Variants in TUSC3 observed in about 807,000 individuals in gnomAD.
TUSC3 encodes the protein dolichyl-diphosphooligosaccharide--protein glycosyltransferase subunit TUSC3.
In TUSC3, 45 loss-of-function variants were observed where a neutral mutation model predicts 44.8. That is an observed-to-expected ratio of 1.00 (90% confidence interval 0.79 to 1.29). The LOEUF (loss-of-function observed/expected upper bound fraction) is 1.29, where lower values mean the gene tolerates loss of function less well. Ranked by LOEUF, TUSC3 falls within the 50% of genes most tolerant of loss-of-function variation. The probability of loss-of-function intolerance (pLI) is 0.00; values close to 1 mark genes in which losing one functional copy is unlikely to be tolerated. For missense variants in TUSC3, 519 were observed against 437.9 expected, an observed-to-expected ratio of 1.19 and a Z score of -1.65; for synonymous variants, 212 against 152.9, an observed-to-expected ratio of 1.39 and a Z score of -2.85.
At chr8:15,645,277 C>G (rs1157692891) in intron 2 of TUSC3, among the ~76,000 whole-genome samples, 1 of 152,064 alleles carries the variant, frequency 6.6e-6, no homozygotes, top group East Asian at 1.9e-4. Flanking sequence ...TATTTTCTAC[C>G]CTGAAGCTTA....
intron 1 of TUSC3, among the ~76,000 whole-genome samples, chr8:15,564,723 C>T (rs1033423158): frequency 1.3e-5 from 2 of 152,080 alleles, no homozygotes; most frequent in Non-Finnish European, 2.9e-5. Context: ...GAGTTCTAGG[C>T]GATGGAGTGT....
intron 6 of TUSC3, among the ~76,000 whole-genome samples, chr8:15,719,042 G>T (rs1354839165): frequency 6.6e-6 from 1 of 151,908 alleles, no homozygotes; most frequent in East Asian, 1.9e-4. Context: ...ACTGCTTTAC[G>T]TCATCAGCAT....
At chr8:15,688,041 C>G (rs1237994521) in intron 6 of TUSC3, among the ~76,000 whole-genome samples, 1 of 151,740 alleles carries the variant, frequency 6.6e-6, no homozygotes, top group Non-Finnish European at 1.5e-5. Flanking sequence ...AGAATCAGTC[C>G]TCCCACAGAG....
chr8:15,709,957 C>T (rs2129199143), intron 6 of TUSC3, among the ~76,000 whole-genome samples: 1 of 152,014 alleles, frequency 6.6e-6, no homozygotes, highest in East Asian at 1.9e-4. Flanking sequence ...CAAAAGTCTT[C>T]TGTGACTTCC....
intron 2 of TUSC3, among the ~76,000 whole-genome samples, chr8:15,626,367 G>T (rs1585167350): frequency 6.6e-6 from 1 of 152,206 alleles, no homozygotes; most frequent in African/African-American, 2.4e-5. Flanking sequence ...GGCAGAGAGG[G>T]GACCCCAAGG....
In TUSC3 at chr8:15,437,476, T is replaced by C. The variant is rs150465078; in HGVS notation, n.91+20171T>C. Among the ~76,000 whole-genome samples, 75 of 152,312 alleles carry C rather than the reference T, an allele frequency of 4.9e-4. 1 individual carries two copies. Among genetic ancestry groups the C allele is most frequent in the African/African-American group, 1.7e-3 (70 of 41,590 alleles). ...TTATAAGTGCTTAGAGCTTCTACTA[T>C]TAATATTTGGTTTGAATTTGAAGGA... is the stretch of plus-strand genomic sequence containing the variant. On this transcript the variant is annotated intron_variant and non_coding_transcript_variant, in intron 1 of 5. Coordinates refer to the TUSC3 transcript ENST00000503191.
rs546037514 is a variant in TUSC3, at chr8:15,661,959, C to T, written c.568-197C>T. 5.3e-5 allele frequency among the ~76,000 whole-genome samples: 8 copies of T among 152,040 alleles called. No individual in the cohort carries two copies. The East Asian group carries it at 1.5e-3, about 29-fold the overall frequency. ...AGCATTGTTAGTCATCAGGGAAGTG[C>T]AAAGTCGTTTTACATAGCCATTATG... On this transcript the variant is annotated intron_variant, in intron 4 of 10. Coordinates refer to ENST00000503731, the MANE Select transcript of TUSC3 (RefSeq NM_006765.4).
At chr8:15,446,557 C>A (rs1334344986) in intron 1 of TUSC3, among the ~76,000 whole-genome samples, 1 of 152,122 alleles carries the variant, frequency 6.6e-6, no homozygotes, top group African/African-American at 2.4e-5. Flanking sequence ...GAAACCCCGT[C>A]TCCACCAAAA....
intron 1 of TUSC3, among the ~76,000 whole-genome samples, chr8:15,420,624 AT>A (rs1799727819): frequency 6.6e-6 from 1 of 151,748 alleles, no homozygotes; most frequent in Non-Finnish European, 1.5e-5. Context: ...GAAGATTATT[AT>A]TTTCCTCTTT....
chr8:15,712,506 A>G (rs1174497371), intron 6 of TUSC3, among the ~76,000 whole-genome samples: 2 of 151,858 alleles, frequency 1.3e-5, no homozygotes, highest in Admixed American at 1.3e-4. Flanking sequence ...TTATTCCTTA[A>G]CCGTTTTATT....
intron 2 of TUSC3, among the ~76,000 whole-genome samples, chr8:15,515,694 G>A (rs1374095800): frequency 6.6e-6 from 1 of 151,900 alleles, no homozygotes; most frequent in Non-Finnish European, 1.5e-5. Flanking sequence ...TTGAGACGGA[G>A]TCTCACTCTG....
intron 1 of TUSC3, among the ~76,000 whole-genome samples, chr8:15,450,239 T>G (rs1242615638): frequency 1.3e-5 from 2 of 152,216 alleles, no homozygotes. Context: ...CTTTTTTCTT[T>G]TAGAAGAATC....
chr8:15,773,481 A>G, the TUSC3 span, among the ~76,000 whole-genome samples: 3 of 152,334 alleles, frequency 2.0e-5, no homozygotes, highest in African/African-American at 7.2e-5. Flanking sequence ...CATCAAGTTC[A>G]TACGTTGAAA....
chr8:15,638,484 C>G (rs1208735312), intron 2 of TUSC3, among the ~76,000 whole-genome samples: 1 of 125,046 alleles, frequency 8.0e-6, no homozygotes, highest in African/African-American at 2.9e-5. Context: ...GAAGGAAGTT[C>G]TTTGAAGACA....
intron 1 of TUSC3, among the ~76,000 whole-genome samples, chr8:15,551,021 T>C (rs1019681396): frequency 2.0e-5 from 3 of 151,836 alleles, no homozygotes; most frequent in African/African-American, 7.2e-5. Context: ...ATGTGGATTC[T>C]AGTTCCTTTG....
chr8:15,748,353 G>A lies in TUSC3; in HGVS notation c.938-22G>A, dbSNP rs377451674. ...CATTTGCATATTTTTAGACACTAATGGTATTTTCTGTCTGTTTCTAGTAAT... is the reference window on the plus strand; with the variant it reads ...CATTTGCATATTTTTAGACACTAATAGTATTTTCTGTCTGTTTCTAGTAAT... On this transcript the variant is annotated intron_variant, in intron 8 of 10. Coordinates refer to ENST00000503731, the MANE Select transcript of TUSC3 (RefSeq NM_006765.4). 7 of 1,556,772 alleles carry A rather than the reference G, an allele frequency of 4.5e-6. No homozygotes were observed. The African/African-American group carries it at 8.1e-5, about 18-fold the overall frequency.
intron 1 of TUSC3, among the ~76,000 whole-genome samples, chr8:15,464,734 T>C (rs1178931086): frequency 1.3e-5 from 2 of 152,224 alleles, no homozygotes; most frequent in African/African-American, 2.4e-5. Context: ...AATTGATGTA[T>C]CATTTATTTA....
At chr8:15,716,138 C>G (rs934577373) in intron 6 of TUSC3, among the ~76,000 whole-genome samples, 1 of 152,080 alleles carries the variant, frequency 6.6e-6, no homozygotes, top group Non-Finnish European at 1.5e-5. Flanking sequence ...CATCTGTAGT[C>G]CCAGTTACTC....
chr8:15,586,315 G>T (rs766295729), intron 1 of TUSC3, among the ~76,000 whole-genome samples: 1 of 152,102 alleles, frequency 6.6e-6, no homozygotes, highest in African/African-American at 2.4e-5. Context: ...GAAAAACACC[G>T]TTGTAGTGGG....
Sources: allele counts gnomAD v4.1 joint callset (sites outside exome capture counted in the v4.1 genomes callset), GRCh38; gene constraint gnomAD v4.1.1; transcripts MANE v1.5; gene names NCBI Gene and HGNC (gene_info 2026-07-23, HGNC 2026-07-21).